Variants in RBFOX1 observed in about 807,000 individuals in gnomAD.
RBFOX1 encodes the protein RNA binding fox-1 homolog 1.
A neutral mutation model predicts 57.7 loss-of-function variants in RBFOX1; 8 were observed. That is an observed-to-expected ratio of 0.14 (90% CI 0.08 to 0.25). RBFOX1 has a LOEUF of 0.25. RBFOX1 is among the 10% of genes least tolerant of loss of function. The pLI is 1.00. For synonymous variants in RBFOX1, 326 were observed against 222.4 expected, an observed-to-expected ratio of 1.47 and a Z score of -4.15; for missense variants, 611 against 548.5, an observed-to-expected ratio of 1.11 and a Z score of -1.14.
chr16:5,740,096 G>A (rs1043160873), intron 3 of RBFOX1, among the ~76,000 whole-genome samples: 4 of 152,160 alleles, frequency 2.6e-5, no homozygotes, highest in East Asian at 1.9e-4. Flanking sequence ...GTGGAGCCTC[G>A]TCCTGGGAAT....
intron 1 of RBFOX1, among the ~76,000 whole-genome samples, chr16:6,221,844 T>C (rs1210959188): frequency 6.6e-6 from 1 of 152,230 alleles, no homozygotes; most frequent in Non-Finnish European, 1.5e-5. Context: ...ACTGCCCCCA[T>C]GATCCAGTTT....
At chr16:5,708,158 GA>G (rs1205065328) in intron 3 of RBFOX1, among the ~76,000 whole-genome samples, 2 of 152,170 alleles carry the variant, frequency 1.3e-5, no homozygotes, top group Non-Finnish European at 2.9e-5. Context: ...GGAACTGGAT[GA>G]ATACAGAGAG....
intron 4 of RBFOX1, among the ~76,000 whole-genome samples, chr16:7,224,838 T>C (rs2152874831): frequency 6.6e-6 from 1 of 152,234 alleles, no homozygotes; most frequent in African/African-American, 2.4e-5. Context: ...ACTGTTATGT[T>C]CCAGACACAC....
At chr16:6,999,211 T>A (rs368635424) in intron 3 of RBFOX1, among the ~76,000 whole-genome samples, 3,735 of 105,306 alleles carry the variant, frequency 0.035, 160 homozygotes, top group African/African-American at 0.097. Flanking sequence ...TTTTTATTTT[T>A]ATTTATTTTT....
chr16:5,986,863 G>A (rs1018853347), intron 4 of RBFOX1, among the ~76,000 whole-genome samples: 10 of 152,178 alleles, frequency 6.6e-5, no homozygotes, highest in African/African-American at 2.2e-4. Flanking sequence ...TGAATATAAA[G>A]TTGTAATTTC....
At chr16:7,568,881 T>TA (rs1376970317) in intron 5 of RBFOX1, among the ~76,000 whole-genome samples, 12,464 of 30,296 alleles carry the variant, frequency 0.41, 1,012 homozygotes, top group South Asian at 0.49. Flanking sequence ...AGACTCTGTC[T>TA]CAAAAAAAAA....
rs567437951 is a variant in RBFOX1 at position 6,653,882 on chromosome 16, A to C, written c.-63-721A>C. Among the ~76,000 whole-genome samples the C allele has an allele frequency of 4.0e-5, 6 of 151,542 alleles. No individual in the cohort carries two copies. In the East Asian group the frequency reaches 1.2e-3, roughly 30 times the overall value. On this transcript the variant is annotated intron_variant, in intron 2 of 15. Coordinates refer to ENST00000550418, the MANE Select transcript of RBFOX1 (RefSeq NM_018723.4). ...GATGGCTGGGTGGATAGCTGGATGG[A>C]TGAATGGATAAAAAGATGAATTTGG...
intron 1 of RBFOX1, among the ~76,000 whole-genome samples, chr16:5,393,246 G>A (rs2066462887): frequency 1.3e-5 from 2 of 152,134 alleles, no homozygotes; most frequent in African/African-American, 4.8e-5. Context: ...TGGACACGGT[G>A]CCCTGTAAAA....
rs566763102 is a variant in RBFOX1, at chr16:5,957,590, A to T, written c.351+90255A>T. Among the ~76,000 whole-genome samples, 4 of 152,342 alleles carry T rather than the reference A, an allele frequency of 2.6e-5. No homozygotes were observed. In the South Asian group the frequency reaches 8.3e-4, roughly 32 times the overall value. On this transcript the variant is annotated intron_variant, in intron 4 of 19. Coordinates refer to the RBFOX1 transcript ENST00000641259. ...CAGCTGATCCTTCATATGTGGAAGC[A>T]GGAGTCTCTCAGCAAGTAATCTTCA... is the stretch of plus-strand genomic sequence containing the variant.
chr16:6,864,467 A>G lies in RBFOX1; in HGVS notation c.-15-187590A>G, dbSNP rs531791144. On this transcript the variant is annotated intron_variant, in intron 3 of 15. Coordinates refer to ENST00000550418, the MANE Select transcript of RBFOX1 (RefSeq NM_018723.4). ...ATGACATCATCATGCCCGAAAAAGTATAAATGACATAATCTCAAATTAACA... is the reference window on the plus strand; with the variant it reads ...ATGACATCATCATGCCCGAAAAAGTGTAAATGACATAATCTCAAATTAACA... Among the ~76,000 whole-genome samples the G allele has an allele frequency of 9.2e-5, 14 of 152,266 alleles. No individual in the cohort carries two copies. In the East Asian group the frequency reaches 2.3e-3, roughly 25 times the overall value.
intron 3 of RBFOX1, among the ~76,000 whole-genome samples, chr16:5,626,268 G>C (rs137858811): frequency 6.6e-6 from 1 of 152,160 alleles, no homozygotes; most frequent in Non-Finnish European, 1.5e-5. Flanking sequence ...CAAGGTGTTG[G>C]CAGGGTTGGT....
At chr16:6,732,160 A>G (rs1258493554) in intron 3 of RBFOX1, among the ~76,000 whole-genome samples, 1 of 152,000 alleles carries the variant, frequency 6.6e-6, no homozygotes, top group Admixed American at 6.6e-5. Context: ...TATACATCTG[A>G]TCCCTCCATC....
At chr16:5,632,906 C>G (rs1016338848) in intron 3 of RBFOX1, among the ~76,000 whole-genome samples, 2 of 150,972 alleles carry the variant, frequency 1.3e-5, no homozygotes, top group African/African-American at 4.9e-5. Context: ...CAACCCAGGT[C>G]ACCTGATTCC....
chr16:7,143,704 A>G (rs770210423), intron 4 of RBFOX1, among the ~76,000 whole-genome samples: 1 of 151,922 alleles, frequency 6.6e-6, no homozygotes, highest in Admixed American at 6.6e-5. Flanking sequence ...AACTTCTCCA[A>G]AGTCCTTCAT....
At chr16:7,692,495 A>G (rs1333432479) in intron 14 of RBFOX1, among the ~76,000 whole-genome samples, 1 of 152,178 alleles carries the variant, frequency 6.6e-6, no homozygotes, top group Non-Finnish European at 1.5e-5. Context: ...AAGCATAATA[A>G]AAATCTAACC....
intron 1 of RBFOX1, among the ~76,000 whole-genome samples, chr16:5,427,077 G>T (rs1484937868): frequency 6.6e-6 from 1 of 152,056 alleles, no homozygotes; most frequent in Non-Finnish European, 1.5e-5. Flanking sequence ...TATACATCAG[G>T]CCTGGGCCCC....
chr16:6,779,849 ATTTATATATATT>A (rs1443866429), intron 3 of RBFOX1, among the ~76,000 whole-genome samples: 13 of 20,534 alleles, frequency 6.3e-4, no homozygotes, highest in Admixed American at 1.1e-3. Flanking sequence ...TTATATATAT[ATTTATATATATT>A]TATATATTTA....
chr16:6,021,033 G>A (rs945031960), intron 1 of RBFOX1, among the ~76,000 whole-genome samples: 1 of 152,208 alleles, frequency 6.6e-6, no homozygotes, highest in African/African-American at 2.4e-5. Flanking sequence ...CATCTGGGGT[G>A]CGGCTACTGA....
intron 3 of RBFOX1, among the ~76,000 whole-genome samples, chr16:6,853,298 A>C (rs922886112): frequency 6.6e-6 from 1 of 151,912 alleles, no homozygotes. Context: ...CTTGTTTTTG[A>C]TATTGTTTCT....
Sources: allele counts gnomAD v4.1 joint callset (sites outside exome capture counted in the v4.1 genomes callset), GRCh38; gene constraint gnomAD v4.1.1; transcripts MANE v1.5; gene names NCBI Gene and HGNC (gene_info 2026-07-23, HGNC 2026-07-21).